The following MACROD2 variants were observed in gnomAD, a reference collection of about 807,000 sequenced individuals.
MACROD2 encodes the protein ADP-ribose glycohydrolase MACROD2.
A neutral mutation model predicts 70.4 loss-of-function variants in MACROD2; 36 were observed. That is an observed-to-expected ratio of 0.51 (90% CI 0.39 to 0.68). The LOEUF is 0.68. Ranked by LOEUF, MACROD2 falls within the 30% of genes least tolerant of loss-of-function variation. The pLI, the probability that MACROD2 is intolerant of heterozygous loss-of-function variation, is 0.00. For synonymous variants in MACROD2, 172 were observed against 178.8 expected, an observed-to-expected ratio of 0.96 and a Z score of 0.30; for missense variants, 496 against 538.4, an observed-to-expected ratio of 0.92 and a Z score of 0.78.
chr20:14,859,418 T>G (rs1382394736), intron 5 of MACROD2, among the ~76,000 whole-genome samples: 2 of 152,166 alleles, frequency 1.3e-5, no homozygotes, highest in African/African-American at 4.8e-5. Flanking sequence ...CTTAAAACAG[T>G]GCCTGTGTGC....
chr20:14,084,336 T>C (rs1471425485), intron 2 of MACROD2, among the ~76,000 whole-genome samples: 1 of 152,040 alleles, frequency 6.6e-6, no homozygotes, highest in African/African-American at 2.4e-5. Context: ...TCATTAAAAA[T>C]TTATGCATAT....
At chr20:15,379,539 G>A (rs76755406) in intron 6 of MACROD2, among the ~76,000 whole-genome samples, 2,020 of 151,784 alleles carry the variant, frequency 0.013, 42 homozygotes, top group African/African-American at 0.042. Context: ...GATGTGATAC[G>A]ATCATTCACT....
At chr20:15,239,797 C>T (rs763779149) in intron 6 of MACROD2, among the ~76,000 whole-genome samples, 1 of 152,186 alleles carries the variant, frequency 6.6e-6, no homozygotes, top group Non-Finnish European at 1.5e-5. Flanking sequence ...GACTAGGTGA[C>T]AAATGTGTGG....
intron 5 of MACROD2, among the ~76,000 whole-genome samples, chr20:14,787,833 T>C (rs531028699): frequency 3.3e-5 from 5 of 152,228 alleles, no homozygotes; most frequent in East Asian, 1.9e-4. Context: ...CCTTAAGTAT[T>C]ATTTCCCTGA....
chr20:14,263,660 A>T (rs1265885152), intron 3 of MACROD2, among the ~76,000 whole-genome samples: 1 of 152,064 alleles, frequency 6.6e-6, no homozygotes, highest in East Asian at 1.9e-4. Context: ...GAGAGGAAAG[A>T]AAATAAGAAA....
chr20:16,005,129 T>C (rs1327808921), intron 15 of MACROD2, among the ~76,000 whole-genome samples: 1 of 151,912 alleles, frequency 6.6e-6, no homozygotes, highest in Non-Finnish European at 1.5e-5. Flanking sequence ...CAAGAAGGAG[T>C]CATGTGAAAG....
At chr20:15,865,686 G>A (rs2064482952) in intron 9 of MACROD2, among the ~76,000 whole-genome samples, 1 of 152,184 alleles carries the variant, frequency 6.6e-6, no homozygotes. Flanking sequence ...CAGCGAGGAA[G>A]TAAAACCAAA....
At chr20:15,531,969 T>C (rs2047809044) in intron 8 of MACROD2, among the ~76,000 whole-genome samples, 1 of 152,172 alleles carries the variant, frequency 6.6e-6, no homozygotes, top group African/African-American at 2.4e-5. Flanking sequence ...TTTATTGTGT[T>C]CCTTGGAAAT....
intron 3 of MACROD2, among the ~76,000 whole-genome samples, chr20:14,432,687 G>T (rs2084008080): frequency 6.6e-6 from 1 of 152,058 alleles, no homozygotes; most frequent in Non-Finnish European, 1.5e-5. Context: ...GAGCACTTCA[G>T]GTATGAGGCC....
At chr20:15,100,775 A>G (rs1056327738) in intron 5 of MACROD2, among the ~76,000 whole-genome samples, 4 of 152,176 alleles carry the variant, frequency 2.6e-5, no homozygotes, top group African/African-American at 7.2e-5. Flanking sequence ...CTGACTCATT[A>G]GCTGGGATGG....
intron 6 of MACROD2, among the ~76,000 whole-genome samples, chr20:15,400,901 G>C (rs1445851876): frequency 6.6e-6 from 1 of 152,196 alleles, no homozygotes; most frequent in African/African-American, 2.4e-5. Flanking sequence ...TGCCCCATGA[G>C]GGAGGGAAGA....
At chr20:14,525,638 G>C (rs865791306) in intron 4 of MACROD2, among the ~76,000 whole-genome samples, 1 of 152,198 alleles carries the variant, frequency 6.6e-6, no homozygotes. Context: ...ATTTTACCAT[G>C]TGTTACCACG....
chr20:14,021,686 T>C (rs577573470), intron 2 of MACROD2, among the ~76,000 whole-genome samples: 6 of 152,232 alleles, frequency 3.9e-5, no homozygotes, highest in Non-Finnish European at 8.8e-5. Flanking sequence ...GTGTTAAGTT[T>C]GGCTAGAACT....
At chr20:15,318,459 T>C (rs1303935501) in intron 6 of MACROD2, among the ~76,000 whole-genome samples, 2 of 152,160 alleles carry the variant, frequency 1.3e-5, no homozygotes, top group Admixed American at 1.3e-4. Context: ...GAACATGTTC[T>C]AACTCATTCT....
chr20:15,069,349 A>G (rs961276263), intron 5 of MACROD2, among the ~76,000 whole-genome samples: 4 of 152,200 alleles, frequency 2.6e-5, no homozygotes, highest in African/African-American at 9.6e-5. Flanking sequence ...TAGAAAAGGA[A>G]AAAGCATTTT....
chr20:14,834,669 T>A (rs1231575502), intron 5 of MACROD2, among the ~76,000 whole-genome samples: 1 of 152,074 alleles, frequency 6.6e-6, no homozygotes, highest in Non-Finnish European at 1.5e-5. Flanking sequence ...CTACAATATA[T>A]CTACCTGTGA....
In MACROD2 at chr20:14,701,285, G is replaced by A. The variant is rs1040548158; in HGVS notation, c.418+16326G>A. Among the ~76,000 whole-genome samples the A allele has an allele frequency of 8.5e-5, 13 of 152,234 alleles. No homozygotes were observed. The South Asian group carries it at 1.0e-3, about 12-fold the overall frequency. On this transcript the variant is annotated intron_variant, in intron 5 of 17. Transcript: ENST00000684519. ...ACATTCTGGGATTATAAATATGTGA[G>A]TTGCATGCTTATTCACTTTCTCCCA...
At chr20:14,215,337 T>TACACACACACACAC (rs199684417) in intron 3 of MACROD2, among the ~76,000 whole-genome samples, 307 of 131,086 alleles carry the variant, frequency 2.3e-3, no homozygotes, top group Non-Finnish European at 3.1e-3. Context: ...CCATCATATA[T>TACACACACACACAC]ACACACACAC....
intron 2 of MACROD2, among the ~76,000 whole-genome samples, chr20:14,030,743 C>G (rs1229965121): frequency 6.6e-6 from 1 of 152,082 alleles, no homozygotes; most frequent in Non-Finnish European, 1.5e-5. Context: ...AATGGCTCAC[C>G]TTCCTTCCCT....
Sources: allele counts gnomAD v4.1 joint callset (sites outside exome capture counted in the v4.1 genomes callset), GRCh38; gene constraint gnomAD v4.1.1; transcripts MANE v1.5; gene names NCBI Gene and HGNC (gene_info 2026-07-23, HGNC 2026-07-21).